The following SLC12A5 variants were observed in gnomAD, a reference collection of about 807,000 sequenced individuals.
SLC12A5 encodes K-Cl cotransporter 2.
Under a neutral mutation model 124.0 loss-of-function variants are expected in SLC12A5, and 18 were observed. The observed-to-expected ratio is 0.15, with a 90% CI of 0.10 to 0.22. The LOEUF is 0.22. Ranked by LOEUF, SLC12A5 falls within the 10% of genes least tolerant of loss-of-function variation. SLC12A5 has a pLI of 1.00. For synonymous variants in SLC12A5, 589 were observed against 568.0 expected, an observed-to-expected ratio of 1.04 and a Z score of -0.53; for missense variants, 867 against 1,478.7, an observed-to-expected ratio of 0.59 and a Z score of 6.78.
rs565480773 is a variant in SLC12A5, at chr20:46,055,993, G to A, written c.2788-157G>A. 3 of 998,168 alleles carry A rather than the reference G, an allele frequency of 3.0e-6. No individual in the cohort carries two copies. In the East Asian group the frequency reaches 8.0e-5, roughly 27 times the overall value. 61.8% of individuals were successfully genotyped at this position (998,168 alleles called of 1,614,324 possible). ...GAGGTGGGGCAGGCAGATCAGTGGT[G>A]CAGTAGCTATTTGGTCTCAAATCAT... On this transcript the variant is annotated intron_variant, in intron 21 of 25. Transcript: ENST00000243964.
Position 46,053,512 on chromosome 20 carries a change from G to C in SLC12A5, c.2548-66G>C, listed in dbSNP as rs984264501. 1.3e-5 allele frequency: 20 copies of C among 1,599,008 alleles called. No individual in the cohort carries two copies. The highest frequency in any genetic ancestry group is 1.7e-5 in the Non-Finnish European group (20 of 1,173,862). On this transcript the variant is annotated intron_variant, in intron 19 of 25. Coordinates refer to ENST00000243964, the MANE Select transcript of SLC12A5 (RefSeq NM_020708.5). The surrounding 1 kb of genome is among the most constrained non-coding windows in gnomAD (Gnocchi z 4.7). Reference sequence around the variant, plus strand: ...AAGAGGGGAAGGGTGAGCGGACAGGGCCTGGCCCTGGATCTCCTCATCACA... The same window carrying C: ...AAGAGGGGAAGGGTGAGCGGACAGGCCCTGGCCCTGGATCTCCTCATCACA...
At chr20:46,029,120 A>T, upstream of SLC12A5, 1 of 1,330,658 alleles carries the variant, frequency 7.5e-7, no homozygotes, top group South Asian at 2.0e-5. Flanking sequence ...CCTCCTGCAT[A>T]CGGGATGAGG....
intron 8 of SLC12A5, among the ~76,000 whole-genome samples, chr20:46,041,978 C>G (rs57018734): frequency 6.6e-6 from 1 of 152,010 alleles, no homozygotes; most frequent in Non-Finnish European, 1.5e-5. Context: ...CTGGACTCAA[C>G]TGAGGAGGGT....
rs1193496783 is a variant in SLC12A5, at chr20:46,029,362, G to C, written c.18G>C (p.Thr6=). ...CCGCCACCATGCTAAACAACCTGAC[G>C]GACTGCGAGGACGGCGATGGGGGAG... MLNNL[T]DCEDGDGGAN... is the part of the protein sequence containing the mutation. The change falls in exon 1 of 26, where the codon ACG becomes ACC. Residue 6 remains threonine (T), a synonymous_variant. Transcript: ENST00000243964. 2 of 1,549,214 alleles carry C rather than the reference G, an allele frequency of 1.3e-6. No homozygotes were observed. Among genetic ancestry groups the C allele is most frequent in the Middle Eastern group, 1.7e-4 (1 of 5,948 alleles).
At chr20:46,029,904 ATGTGTG>A (rs59849093) in intron 1 of SLC12A5, among the ~76,000 whole-genome samples, 26 of 126,102 alleles carry the variant, frequency 2.1e-4, no homozygotes, top group Admixed American at 7.0e-4. Flanking sequence ...GCGCGTGCGT[ATGTGTG>A]TGTGTGCGTG....
chr20:46,049,342 T>C (rs1241216033), intron 16 of SLC12A5, among the ~76,000 whole-genome samples: 1 of 152,180 alleles, frequency 6.6e-6, no homozygotes, highest in Non-Finnish European at 1.5e-5. Context: ...GATGTGTGGA[T>C]AATTGAATGA....
chr20:46,039,641 G>C (rs796076692), intron 6 of SLC12A5, among the ~76,000 whole-genome samples: 13 of 152,224 alleles, frequency 8.5e-5, no homozygotes, highest in African/African-American at 2.6e-4. Context: ...CAGGGGTGGT[G>C]GTGGGCACCT....
upstream of SLC12A5, among the ~76,000 whole-genome samples, chr20:46,026,269 G>A (rs891386127): frequency 1.3e-5 from 2 of 152,294 alleles, no homozygotes; most frequent in Non-Finnish European, 2.9e-5. Flanking sequence ...GAGACTCAGA[G>A]TTTAGAAATA....
In SLC12A5 at chr20:46,045,377, C is replaced by T. The variant is rs2084585946; in HGVS notation, c.1569+237C>T. On this transcript the variant is annotated intron_variant, in intron 12 of 25. Transcript: ENST00000243964. This position sits in a 1 kb window ranked among gnomAD's most constrained non-coding sequence, Gnocchi z 4.9. ...TGCCCTGTCTGTGGCTTCTCCTTCA[C>T]CCAGATGGAAGGATAAGTGTGTCTT... is the stretch of plus-strand genomic sequence containing the variant. 6.6e-6 allele frequency among the ~76,000 whole-genome samples: 1 copy of T among 152,144 alleles called. No homozygotes were observed. Among genetic ancestry groups the T allele is most frequent in the African/African-American group, 2.4e-5 (1 of 41,420 alleles).
chr20:46,035,598 G>T, intron 3 of SLC12A5, 63 bp downstream of exon 3: 2 of 1,525,200 alleles, frequency 1.3e-6, no homozygotes, highest in Non-Finnish European at 1.8e-6. Context: ...GGGAGGATGG[G>T]GGAGGAAAAT....
chr20:46,053,901 A>G lies in SLC12A5; in HGVS notation c.2679+192A>G, dbSNP rs1200381809. Among the ~76,000 whole-genome samples, 1 of 152,190 alleles carries G rather than the reference A, an allele frequency of 6.6e-6. No homozygotes were observed. The highest frequency in any genetic ancestry group is 1.5e-5 in the Non-Finnish European group (1 of 68,024). On this transcript the variant is annotated intron_variant, in intron 20 of 25. Coordinates refer to ENST00000243964, the MANE Select transcript of SLC12A5 (RefSeq NM_020708.5). The surrounding 1 kb of genome is among the most constrained non-coding windows in gnomAD (Gnocchi z 4.7). ...AAAGTAGCCATGTCTAGTGCTTATT[A>G]TATGCCAGGCACTGTTCTATGCACT... is the stretch of plus-strand genomic sequence containing the variant.
intron 4 of SLC12A5, 25 bp downstream of exon 4, chr20:46,035,948 A>T (rs1412736944): frequency 6.3e-7 from 1 of 1,588,356 alleles, no homozygotes; most frequent in East Asian, 2.3e-5. Flanking sequence ...TCCCCTCACC[A>T]CCCCCTGACA....
chr20:46,048,573 C>T (rs1427441112), intron 16 of SLC12A5, among the ~76,000 whole-genome samples: 1 of 152,046 alleles, frequency 6.6e-6, no homozygotes, highest in Admixed American at 6.6e-5. Flanking sequence ...CCATTTTATT[C>T]ACGTGAAAAT....
In SLC12A5 at chr20:46,029,294, G is replaced by T; in HGVS notation, c.-51G>T. 3 of 1,515,722 alleles carry T rather than the reference G, an allele frequency of 2.0e-6. No homozygotes were observed. The highest frequency in any genetic ancestry group is 2.7e-6 in the Non-Finnish European group (3 of 1,132,030). The allele number at this position is 1,515,722 out of a possible 1,614,324, so 93.9% of individuals were successfully genotyped here. On this transcript the variant is annotated 5_prime_UTR_variant, in exon 1 of 26. Transcript: ENST00000243964. ...GAGAGCGGCGAAGGCGGGTAGAGGG[G>T]CGCGGGCGAGGCGGCGCAGCCATCC...
chr20:46,024,971 C>G (rs887456845), upstream of SLC12A5, among the ~76,000 whole-genome samples: 2 of 152,180 alleles, frequency 1.3e-5, no homozygotes, highest in Admixed American at 6.5e-5. Context: ...TGGGATGTGT[C>G]CCCATGGAGG....
At position 46,051,741 on chromosome 20, in the gene SLC12A5, T is replaced by C. The variant is rs1370797692; in HGVS notation, c.2248T>C (p.Leu750=). ...CTGCCAGGTGGTGATCTCCTCCAACTTGCGTGATGGCGTGTCCCATCTGAT... is the reference window on the plus strand; with the variant it reads ...CTGCCAGGTGGTGATCTCCTCCAACCTGCGTGATGGCGTGTCCCATCTGAT... ...GFCQVVISSN[L]RDGVSHLIQS... The change falls in exon 18 of 26, where the codon TTG becomes CTG. Residue 750 remains leucine, a synonymous_variant. Transcript: ENST00000243964. 1.2e-6 allele frequency: 2 copies of C among 1,611,352 alleles called. No homozygotes were observed. The highest frequency in any genetic ancestry group is 2.2e-5 in the South Asian group (2 of 90,596).
intron 7 of SLC12A5, chr20:46,040,957 C>A (rs1283579488): frequency 4.9e-6 from 2 of 410,794 alleles, no homozygotes; most frequent in Non-Finnish European, 8.9e-6. Context: ...ATGGGACAAT[C>A]TCCTAGTGTT....
rs2084534950 is a variant in SLC12A5, at chr20:46,040,381, C to G, written c.621C>G (p.Leu207=). The part of the protein sequence containing the change: ...LGTIEILLAY[L]FPAMAIFKAE... ...CTGCCCCTTTCCCACAGGCTTACCT[C>G]TTCCCAGCCATGGCCATCTTCAAGG... Residue 207 remains leucine, a synonymous_variant, in exon 7 of 26, where the codon CTC becomes CTG. Transcript: ENST00000243964. The G allele has an allele frequency of 1.9e-6, 3 of 1,614,062 alleles. No individual in the cohort carries two copies. Among genetic ancestry groups the G allele is most frequent in the Non-Finnish European group, 2.5e-6 (3 of 1,180,050 alleles).
chr20:46,028,273 C>T (rs2084415611), upstream of SLC12A5, among the ~76,000 whole-genome samples: 1 of 152,176 alleles, frequency 6.6e-6, no homozygotes, highest in Admixed American at 6.5e-5. Flanking sequence ...GGCCTCATTC[C>T]GCCCTCCCCC....
Sources: allele counts gnomAD v4.1 joint callset (sites outside exome capture counted in the v4.1 genomes callset), GRCh38; gene constraint gnomAD v4.1.1; non-coding constraint Gnocchi (gnomAD v3.1); transcripts MANE v1.5; gene names NCBI Gene and HGNC (gene_info 2026-07-23, HGNC 2026-07-21).